Variants in GNG4 observed in about 807,000 individuals in gnomAD.
The protein encoded by GNG4 is G protein subunit gamma 4, also known as guanine nucleotide-binding protein G(I)/G(S)/G(O) subunit gamma-4.
Under a neutral mutation model 5.8 loss-of-function variants are expected in GNG4, and 4 were observed. That is an observed-to-expected ratio of 0.69 (90% CI 0.34 to 1.57). The LOEUF (loss-of-function observed/expected upper bound fraction) is 1.57. Among genes scored for constraint, GNG4 ranks in the 40% most tolerant of loss-of-function variants. The pLI, the probability that GNG4 is intolerant of heterozygous loss-of-function variation, is 0.06. For synonymous variants in GNG4, 29 were observed against 32.9 expected (o/e 0.88, Z 0.41); for missense variants, 96 against 95.1 (o/e 1.01, Z -0.04).
chr1:235,633,115 C>T (rs1688966970), intron 1 of GNG4, among the ~76,000 whole-genome samples: 1 of 152,168 alleles, frequency 6.6e-6, no homozygotes, highest in Admixed American at 6.5e-5. Flanking sequence ...TTTAAAAAGC[C>T]TGGAAATAAT....
intron 1 of GNG4, among the ~76,000 whole-genome samples, chr1:235,620,718 G>C (rs955336494): frequency 6.6e-6 from 1 of 152,084 alleles, no homozygotes; most frequent in Admixed American, 6.6e-5. Flanking sequence ...TATATTTTTA[G>C]TAGAGACAGG....
intron 3 of GNG4, among the ~76,000 whole-genome samples, chr1:235,562,511 A>G (rs982694638): frequency 2.0e-5 from 3 of 151,894 alleles, no homozygotes; most frequent in Non-Finnish European, 4.4e-5. Flanking sequence ...GCTGCTGGGC[A>G]TGGTGGGCCT....
At position 235,577,639 on chromosome 1, in the gene GNG4, C is replaced by T. The variant is rs551791122; in HGVS notation, c.99+6101G>A. 3.3e-5 allele frequency among the ~76,000 whole-genome samples: 5 copies of T among 150,730 alleles called. No homozygotes were observed. In the Admixed American group the frequency reaches 3.3e-4, roughly 10 times the overall value. ...TATTTTTAGTACAGATGGGGTTTCA[C>T]TATGTTGGTCAGGCTGGTCTCAAAC... is the stretch of plus-strand genomic sequence containing the variant. On this transcript the variant is annotated intron_variant, in intron 3 of 3. Transcript: ENST00000391854.
At chr1:235,578,153 T>C (rs1687532115) in intron 3 of GNG4, among the ~76,000 whole-genome samples, 1 of 152,040 alleles carries the variant, frequency 6.6e-6, no homozygotes. Context: ...AGCTTCATAC[T>C]CATTAGGGTG....
upstream of GNG4, chr1:235,650,573 C>T (rs1657660931): frequency 6.6e-6 from 1 of 152,252 alleles, no homozygotes; most frequent in African/African-American, 2.4e-5. Context: ...GCGGCCGCGT[C>T]GCCACTAACC....
chr1:235,643,120 C>G (rs1017089624), intron 1 of GNG4, among the ~76,000 whole-genome samples: 2 of 152,326 alleles, frequency 1.3e-5, no homozygotes, highest in East Asian at 1.9e-4. Context: ...ATGGCAGTCA[C>G]AGCCAGACGG....
At chr1:235,645,992 A>G (rs1233564132) in intron 1 of GNG4, among the ~76,000 whole-genome samples, 1 of 152,158 alleles carries the variant, frequency 6.6e-6, no homozygotes, top group Non-Finnish European at 1.5e-5. Context: ...GCATAAAGGC[A>G]CAGTTAATGC....
At position 235,552,560 on chromosome 1, in the gene GNG4, A is replaced by G. The variant is rs150344595; in HGVS notation, c.100-323T>C. On this transcript the variant is annotated intron_variant, in intron 3 of 3. Coordinates refer to ENST00000391854, the MANE Select transcript of GNG4 (RefSeq NM_001098722.2). ...GAGGTTCCAGGACAGTAGTCTCACAATGACTTTGCTAAACCGTTTCTGGAA... is the reference window on the plus strand; with the variant it reads ...GAGGTTCCAGGACAGTAGTCTCACAGTGACTTTGCTAAACCGTTTCTGGAA... 2.6e-3 allele frequency among the ~76,000 whole-genome samples: 396 copies of G among 152,278 alleles called. 1 individual carries two copies. Among genetic ancestry groups the G allele is most frequent in the Admixed American group, 0.025 (380 of 15,284 alleles).
rs1029773605 is a variant in GNG4, at chr1:235,642,375, T to C, written c.-123+7287A>G. 8.6e-5 allele frequency among the ~76,000 whole-genome samples: 13 copies of C among 152,018 alleles called. No homozygotes were observed. Among genetic ancestry groups the C allele is most frequent in the African/African-American group, 3.1e-4 (13 of 41,376 alleles). ...CAAAACATAGAACAGAAACTCCCTCTCGAATAGAGACCCACGCACGGAAGG... is the reference window on the plus strand; with the variant it reads ...CAAAACATAGAACAGAAACTCCCTCCCGAATAGAGACCCACGCACGGAAGG... On this transcript the variant is annotated intron_variant, in intron 1 of 3. Coordinates refer to ENST00000391854, the MANE Select transcript of GNG4 (RefSeq NM_001098722.2). This position sits in a 1 kb window ranked among gnomAD's most constrained non-coding sequence, Gnocchi z 4.3.
chr1:235,640,363 G>C (rs772267133), intron 1 of GNG4, among the ~76,000 whole-genome samples: 6 of 152,152 alleles, frequency 3.9e-5, no homozygotes, highest in Non-Finnish European at 7.3e-5. Context: ...ACTAATTCCC[G>C]GACCCTAGCC....
intron 1 of GNG4, among the ~76,000 whole-genome samples, chr1:235,604,212 T>C (rs1470372349): frequency 6.6e-6 from 1 of 152,238 alleles, no homozygotes; most frequent in Non-Finnish European, 1.5e-5. Flanking sequence ...CAAACCTGTG[T>C]CTGGTGTGTT....
chr1:235,558,287 C>T (rs1020119745), intron 3 of GNG4, among the ~76,000 whole-genome samples: 3 of 152,218 alleles, frequency 2.0e-5, no homozygotes, highest in African/African-American at 7.2e-5. Flanking sequence ...GCATCTAATA[C>T]AGCATAAGTC....
chr1:235,617,464 G>A (rs1323797768), intron 1 of GNG4, among the ~76,000 whole-genome samples: 1 of 152,180 alleles, frequency 6.6e-6, no homozygotes, highest in Non-Finnish European at 1.5e-5. Flanking sequence ...GTGAGCTAAT[G>A]TGGAGGTAAT....
chr1:235,573,548 T>C (rs979097434), intron 3 of GNG4, among the ~76,000 whole-genome samples: 50 of 151,288 alleles, frequency 3.3e-4, no homozygotes, highest in South Asian at 1.9e-3. Flanking sequence ...GAGGCCGAGG[T>C]GGGCGGATCA....
chr1:235,575,203 C>T (rs1687448406), intron 3 of GNG4, among the ~76,000 whole-genome samples: 1 of 152,204 alleles, frequency 6.6e-6, no homozygotes, highest in Non-Finnish European at 1.5e-5. Context: ...GTACGATGGT[C>T]TGGCTGAATG....
intron 1 of GNG4, among the ~76,000 whole-genome samples, chr1:235,632,114 C>A (rs1212755918): frequency 6.6e-6 from 1 of 152,102 alleles, no homozygotes; most frequent in Non-Finnish European, 1.5e-5. Context: ...GAGACAGGTT[C>A]TTGCTCTGTC....
At chr1:235,645,791 C>G (rs1657489808) in intron 1 of GNG4, among the ~76,000 whole-genome samples, 1 of 85,274 alleles carries the variant, frequency 1.2e-5, no homozygotes, top group Non-Finnish European at 2.1e-5. Context: ...GAGGGAAACT[C>G]AGTCTCAAAA....
intron 3 of GNG4, among the ~76,000 whole-genome samples, chr1:235,569,499 CCTAA>C (rs1486618266): frequency 6.7e-6 from 1 of 150,262 alleles, no homozygotes; most frequent in East Asian, 2.0e-4. Flanking sequence ...GGGTATTTGT[CCTAA>C]CTGACTGCTT....
At chr1:235,597,630 ATTT>A (rs746989867) in intron 1 of GNG4, among the ~76,000 whole-genome samples, 5 of 35,600 alleles carry the variant, frequency 1.4e-4, no homozygotes, top group East Asian at 6.5e-4. Flanking sequence ...GTGTGTGTGT[ATTT>A]TTTTTTTTTT....
Sources: gnomAD v4.1 joint callset for allele counts (sites outside exome capture counted in the v4.1 genomes callset) on GRCh38, gnomAD v4.1.1 for gene constraint, Gnocchi (gnomAD v3.1) non-coding constraint, MANE v1.5 for transcripts, NCBI Gene and HGNC (gene_info 2026-07-23, HGNC 2026-07-21) for gene names.